FNIP1: variants seen among roughly 807,000 people sequenced by gnomAD.
FNIP1 encodes folliculin interacting protein 1, also known as folliculin-interacting protein 1.
Under a neutral mutation model 124.5 loss-of-function variants are expected in FNIP1, and 40 were observed. The ratio of observed to expected loss-of-function variants is 0.32; its 90% CI spans 0.25 to 0.42. The LOEUF (loss-of-function observed/expected upper bound fraction) is 0.42. Ranked by LOEUF, FNIP1 falls within the 10% of genes least tolerant of loss-of-function variation. The pLI, the probability that FNIP1 is intolerant of heterozygous loss-of-function variation, is 1.00. For synonymous variants in FNIP1, 472 were observed against 470.6 expected (o/e 1.00, Z -0.04); for missense variants, 1,176 against 1,403.7 (o/e 0.84, Z 2.59).
chr5:131,772,443 G>C (rs1438548296), intron 1 of FNIP1, among the ~76,000 whole-genome samples: 1 of 149,466 alleles, frequency 6.7e-6, no homozygotes, highest in African/African-American at 2.5e-5. Flanking sequence ...AAAAATTACT[G>C]TAATGATCTA....
intron 16 of FNIP1, among the ~76,000 whole-genome samples, chr5:131,647,811 A>T (rs554116667): frequency 6.6e-6 from 1 of 152,256 alleles, no homozygotes; most frequent in Admixed American, 6.5e-5. Flanking sequence ...CAGTGGCACT[A>T]AGTACATTCA....
At chr5:131,654,548 C>G (rs1767135026) in intron 15 of FNIP1, among the ~76,000 whole-genome samples, 1 of 152,108 alleles carries the variant, frequency 6.6e-6, no homozygotes, top group African/African-American at 2.4e-5. Context: ...CAACAGAACT[C>G]ATAGACTTGT....
chr5:131,674,648 G>A (rs1767860058), intron 13 of FNIP1, among the ~76,000 whole-genome samples: 1 of 152,122 alleles, frequency 6.6e-6, no homozygotes, highest in Non-Finnish European at 1.5e-5. Flanking sequence ...AGCCCAGGAA[G>A]TTGAGGCTGC....
intron 15 of FNIP1, among the ~76,000 whole-genome samples, chr5:131,662,733 A>ATTTTTTTTTTTTTTTTTTTTTTTTTT (rs34051607): frequency 1.3e-5 from 1 of 76,950 alleles, no homozygotes. Flanking sequence ...GATATTCTAG[A>ATTTTTTTTTTTTTTTTTTTTTTTTTT]TTTTTTTTTT....
At chr5:131,693,562 GTT>G (rs1272215230) in intron 11 of FNIP1, among the ~76,000 whole-genome samples, 1 of 151,572 alleles carries the variant, frequency 6.6e-6, no homozygotes. Context: ...AGACCTTACA[GTT>G]TTCATAAAAT....
chr5:131,704,403 A>C, intron 9 of FNIP1, 137 bp from the exon 10 acceptor site: 3 of 667,592 alleles, frequency 4.5e-6, no homozygotes, highest in Non-Finnish European at 7.4e-6. Context: ...TACCAATTGT[A>C]TATCTCTTTA....
intron 17 of FNIP1, among the ~76,000 whole-genome samples, chr5:131,645,459 A>G (rs10074262): frequency 0.074 from 11,319 of 152,306 alleles, 866 homozygotes; most frequent in African/African-American, 0.2. Context: ...GCCAACCAAC[A>G]TAGAAAATAT....
intron 1 of FNIP1, 100 bp downstream of exon 1, chr5:131,796,730 G>C: frequency 8.9e-7 from 1 of 1,123,576 alleles, no homozygotes; most frequent in Non-Finnish European, 1.2e-6. Context: ...TCTCGGCGCG[G>C]CGCTTCCGCT....
intron 6 of FNIP1, among the ~76,000 whole-genome samples, chr5:131,713,292 C>A (rs1045432071): frequency 2.0e-5 from 3 of 151,998 alleles, no homozygotes; most frequent in African/African-American, 4.8e-5. Flanking sequence ...GTGATCTGCC[C>A]GCCTTGGCCT....
chr5:131,646,222 G>A (rs906267863), intron 17 of FNIP1, among the ~76,000 whole-genome samples: 4 of 151,940 alleles, frequency 2.6e-5, no homozygotes, highest in African/African-American at 9.7e-5. Context: ...ATATAAATAG[G>A]GTCTAAAGTA....
chr5:131,734,139 G>A (rs1439169414), intron 2 of FNIP1, among the ~76,000 whole-genome samples: 1 of 152,158 alleles, frequency 6.6e-6, no homozygotes, highest in East Asian at 1.9e-4. Context: ...AGTATGCTCT[G>A]ATGGTAGTTT....
At chr5:131,775,781 G>C (rs1015602024) in intron 1 of FNIP1, among the ~76,000 whole-genome samples, 1 of 152,082 alleles carries the variant, frequency 6.6e-6, no homozygotes, top group African/African-American at 2.4e-5. Flanking sequence ...GCCCGCCTCA[G>C]CCTCCCAAAG....
rs922536949 is a variant in FNIP1, at chr5:131,643,579, AC to A, written c.*1105del. On this transcript the variant is annotated 3_prime_UTR_variant, in exon 18 of 18. Coordinates refer to ENST00000510461, the MANE Select transcript of FNIP1 (RefSeq NM_133372.3). Reference sequence around the variant, plus strand: ...TTACAAGCAACACTCTATAGTATGTACAAAGGCAACAATTGAGAAGTGAAAA... The same window carrying A: ...TTACAAGCAACACTCTATAGTATGTAAAAGGCAACAATTGAGAAGTGAAAA... The A allele has an allele frequency of 6.5e-6, 1 of 152,802 alleles. No individual in the cohort carries two copies. The highest frequency in any genetic ancestry group is 1.5e-5 in the Non-Finnish European group (1 of 68,038). 9.5% of individuals were successfully genotyped at this position (152,802 alleles called of 1,614,324 possible). A position where few individuals can be genotyped will look rare whatever the true frequency, so the allele number is the denominator to read the frequency against.
chr5:131,670,382 CA>C, intron 15 of FNIP1, 80 bp downstream of exon 15: 2 of 1,323,444 alleles, frequency 1.5e-6, no homozygotes, highest in Admixed American at 2.6e-5. Flanking sequence ...AAAGTATGAC[CA>C]AAAATATAAG....
intron 15 of FNIP1, among the ~76,000 whole-genome samples, chr5:131,669,746 A>C (rs539960034): frequency 6.6e-6 from 1 of 152,218 alleles, no homozygotes; most frequent in South Asian, 2.1e-4. Context: ...AAAAATAAAA[A>C]GGGAACTTCT....
intron 1 of FNIP1, among the ~76,000 whole-genome samples, chr5:131,766,521 C>T (rs1189276395): frequency 6.6e-6 from 1 of 152,178 alleles, no homozygotes; most frequent in African/African-American, 2.4e-5. Context: ...GGTTTCTGTA[C>T]TGGTCAGGGT....
At chr5:131,648,678 T>C (rs1356613595) in intron 16 of FNIP1, among the ~76,000 whole-genome samples, 1 of 152,166 alleles carries the variant, frequency 6.6e-6, no homozygotes, top group Non-Finnish European at 1.5e-5. Flanking sequence ...AGTATATAAT[T>C]ATATAGTCCT....
chr5:131,652,074 G>A (rs1767055489), intron 15 of FNIP1, 75 bp from the exon 16 acceptor site: 1 of 1,400,322 alleles, frequency 7.1e-7, no homozygotes, highest in East Asian at 2.3e-5. Flanking sequence ...CAGCAATGAA[G>A]GTTTACTAAA....
In FNIP1 at chr5:131,652,012, G is replaced by T. The variant is rs1767053836; in HGVS notation, c.3109-13C>A. ...CCAAAACTGGATGCTGGAAATAAAA[G>T]AATAATTCATCTTATGTTTAGCAAA... is the stretch of plus-strand genomic sequence containing the variant. On this transcript the variant is annotated splice_polypyrimidine_tract_variant and intron_variant, in intron 15 of 17. Coordinates refer to ENST00000510461, the MANE Select transcript of FNIP1 (RefSeq NM_133372.3). 6.2e-7 allele frequency: 1 copy of T among 1,603,980 alleles called. No homozygotes were observed. The highest frequency in any genetic ancestry group is 1.3e-5 in the African/African-American group (1 of 74,582).
Sources: gnomAD v4.1 joint callset for allele counts (sites outside exome capture counted in the v4.1 genomes callset) on GRCh38, gnomAD v4.1.1 for gene constraint, MANE v1.5 for transcripts, NCBI Gene and HGNC (gene_info 2026-07-23, HGNC 2026-07-21) for gene names.